LUZP2: variants seen among roughly 807,000 people sequenced by gnomAD.
LUZP2 encodes the protein leucine zipper protein 2.
Under a neutral mutation model 51.6 loss-of-function variants are expected in LUZP2, and 52 were observed. That is an observed-to-expected ratio of 1.01 (90% confidence interval 0.81 to 1.27). LUZP2 has a LOEUF of 1.27. Among genes scored for constraint, LUZP2 ranks in the 50% most tolerant of loss-of-function variants. The pLI is 0.00. For missense variants in LUZP2, 436 were observed against 395.4 expected, an observed-to-expected ratio of 1.10 and a Z score of -0.87; for synonymous variants, 154 against 137.3, an observed-to-expected ratio of 1.12 and a Z score of -0.85.
chr11:24,793,515 G>C (rs1488878871), intron 5 of LUZP2, among the ~76,000 whole-genome samples: 1 of 152,090 alleles, frequency 6.6e-6, no homozygotes, highest in East Asian at 1.9e-4. Context: ...ATAAAGAAAA[G>C]TCTGACTAAA....
At chr11:24,517,822 C>T (rs562930751) in intron 1 of LUZP2, among the ~76,000 whole-genome samples, 1 of 152,148 alleles carries the variant, frequency 6.6e-6, no homozygotes, top group South Asian at 2.1e-4. Flanking sequence ...AAAGAAAAAT[C>T]CTTTTGTGTT....
At chr11:25,073,855 C>T (rs1002133815) in intron 10 of LUZP2, among the ~76,000 whole-genome samples, 15 of 152,142 alleles carry the variant, frequency 9.9e-5, no homozygotes, top group African/African-American at 1.2e-4. Context: ...AAAAAAGGAA[C>T]GATCACTATT....
chr11:24,667,171 A>G (rs988352033), intron 1 of LUZP2, among the ~76,000 whole-genome samples: 1 of 141,248 alleles, frequency 7.1e-6, no homozygotes, highest in African/African-American at 2.7e-5. Context: ...CCAAATATAC[A>G]TTTTCTTTTT....
chr11:24,822,941 T>G (rs969295385), intron 5 of LUZP2, among the ~76,000 whole-genome samples: 5 of 152,196 alleles, frequency 3.3e-5, no homozygotes, highest in African/African-American at 1.2e-4. Flanking sequence ...AAATTAAATA[T>G]TACTCATCTG....
chr11:24,941,127 C>T (rs983627246), intron 7 of LUZP2, among the ~76,000 whole-genome samples: 4 of 152,110 alleles, frequency 2.6e-5, no homozygotes, highest in African/African-American at 9.7e-5. Context: ...CATCATGAGT[C>T]CCCTCATTAT....
intron 1 of LUZP2, among the ~76,000 whole-genome samples, chr11:24,516,170 T>A (rs1456452809): frequency 6.6e-6 from 1 of 152,182 alleles, no homozygotes; most frequent in Non-Finnish European, 1.5e-5. Context: ...GATTAACAGA[T>A]TAACAGATTT....
At chr11:24,545,555 C>CTTTTTTTT (rs3992984) in intron 1 of LUZP2, among the ~76,000 whole-genome samples, 12 of 120,776 alleles carry the variant, frequency 9.9e-5, no homozygotes, top group Middle Eastern at 5.4e-3. Flanking sequence ...TTGTTGCTTG[C>CTTTTTTTT]TTTTTTTTTT....
At chr11:24,739,286 C>T (rs1371279883) in intron 4 of LUZP2, among the ~76,000 whole-genome samples, 1 of 151,972 alleles carries the variant, frequency 6.6e-6, no homozygotes, top group Non-Finnish European at 1.5e-5. Context: ...TTTTGGTTGG[C>T]TTTGGGGCAT....
intron 7 of LUZP2, among the ~76,000 whole-genome samples, chr11:24,966,600 C>G (rs1338901290): frequency 6.7e-6 from 1 of 148,740 alleles, no homozygotes; most frequent in Admixed American, 6.7e-5. Flanking sequence ...TATACATGCA[C>G]ACATGCATTA....
intron 3 of LUZP2, among the ~76,000 whole-genome samples, chr11:24,732,639 A>T (rs1191960506): frequency 6.6e-6 from 1 of 151,684 alleles, no homozygotes; most frequent in Non-Finnish European, 1.5e-5. Context: ...TCAGTACAAT[A>T]TTATTAGTAT....
intron 9 of LUZP2, 79 bp downstream of exon 9, chr11:24,983,372 A>G (rs1856096226): frequency 2.9e-6 from 4 of 1,363,336 alleles, no homozygotes; most frequent in Non-Finnish European, 4.0e-6. Flanking sequence ...TATAATCACC[A>G]GAGTGGATTC....
chr11:24,796,379 G>C (rs183398607), intron 5 of LUZP2, among the ~76,000 whole-genome samples: 1 of 152,006 alleles, frequency 6.6e-6, no homozygotes, highest in Admixed American at 6.6e-5. Flanking sequence ...GGCAAGAGGT[G>C]TAACGTTATT....
At chr11:24,740,417 C>T (rs112004204) in intron 4 of LUZP2, among the ~76,000 whole-genome samples, 1 of 152,222 alleles carries the variant, frequency 6.6e-6, no homozygotes, top group South Asian at 2.1e-4. Context: ...CAGTGCCTTC[C>T]TTATGGCTGA....
In LUZP2 at chr11:24,898,180, G is replaced by C. The variant is rs564149097; in HGVS notation, c.397-7811G>C. On this transcript the variant is annotated intron_variant, in intron 5 of 11. Coordinates refer to ENST00000336930, the MANE Select transcript of LUZP2 (RefSeq NM_001009909.4). ...TGAGAAAATATCCATGAAGAGAAAC[G>C]TAAGAACTTACATAAATTGGAAGAG... is the stretch of plus-strand genomic sequence containing the variant. 7.0e-4 allele frequency among the ~76,000 whole-genome samples: 106 copies of C among 151,896 alleles called. No individual in the cohort carries two copies. The South Asian group carries it at 9.0e-3, about 13-fold the overall frequency.
intron 1 of LUZP2, among the ~76,000 whole-genome samples, chr11:24,602,634 C>A (rs538110365): frequency 6.6e-6 from 1 of 151,494 alleles, no homozygotes; most frequent in East Asian, 1.9e-4. Context: ...CAATTTCATT[C>A]CCCTAACCTA....
rs779309548 is a variant in LUZP2 at position 24,983,238 on chromosome 11, T to C, written c.710T>C (p.Leu237Ser). Residue 237 changes from leucine to serine, a missense_variant, in exon 9 of 12, where the codon TTA (leucine) becomes TCA (serine). Physicochemically the swap from Leu to Ser is moderately radical, Grantham distance 145 (BLOSUM62 -2). Transcript: ENST00000336930. ...SLITSNPTRM[L>S]LPPRNIASKL... is the part of the protein sequence containing the mutation. Reference sequence around the variant, plus strand: ...ATCACATCAAATCCAACTCGGATGTTACTCCCACCCAGGAATATTGCCTCT... The same window carrying C: ...ATCACATCAAATCCAACTCGGATGTCACTCCCACCCAGGAATATTGCCTCT... 5 of 1,612,144 alleles carry C rather than the reference T, an allele frequency of 3.1e-6. No individual in the cohort carries two copies. The Admixed American group carries it at 8.4e-5, about 27-fold the overall frequency.
chr11:24,943,687 G>C (rs1276853685), intron 7 of LUZP2, among the ~76,000 whole-genome samples: 3 of 152,066 alleles, frequency 2.0e-5, no homozygotes, highest in Admixed American at 2.0e-4. Context: ...AGACCAGCCT[G>C]GCCAACATGG....
intron 4 of LUZP2, among the ~76,000 whole-genome samples, chr11:24,741,893 A>AAATG (rs1859161455): frequency 7.2e-6 from 1 of 138,982 alleles, no homozygotes; most frequent in Non-Finnish European, 1.5e-5. Flanking sequence ...ATATTTATAT[A>AAATG]CATATATATT....
intron 7 of LUZP2, among the ~76,000 whole-genome samples, chr11:24,921,373 A>C (rs1322579672): frequency 1.3e-5 from 2 of 152,054 alleles, no homozygotes; most frequent in Non-Finnish European, 2.9e-5. Flanking sequence ...CTCCCACCTT[A>C]GTCCTTTAAT....
Sources: gnomAD v4.1 joint callset for allele counts (sites outside exome capture counted in the v4.1 genomes callset) on GRCh38, gnomAD v4.1.1 for gene constraint, MANE v1.5 for transcripts, NCBI Gene and HGNC (gene_info 2026-07-23, HGNC 2026-07-21) for gene names.